ARHGEF40: variants seen among roughly 807,000 people sequenced by gnomAD.
ARHGEF40 encodes Rho guanine nucleotide exchange factor (GEF) 40.
ARHGEF40 carries 98 observed loss-of-function variants against 165.9 expected under a neutral mutation model. The ratio of observed to expected loss-of-function variants is 0.59; its 90% CI spans 0.50 to 0.70. The LOEUF (loss-of-function observed/expected upper bound fraction) is 0.70, where lower values mean the gene tolerates loss of function less well. ARHGEF40 is among the 30% of genes least tolerant of loss of function. ARHGEF40 has a pLI of 0.00. For synonymous variants in ARHGEF40, 792 were observed against 814.3 expected (o/e 0.97, Z 0.47); for missense variants, 1,815 against 1,968.0 (o/e 0.92, Z 1.47).
chr14:21,075,328 G>A lies in ARHGEF40; in HGVS notation c.1451-4G>A, dbSNP rs1566525029. The A allele has an allele frequency of 6.2e-7, 1 of 1,613,888 alleles. No individual in the cohort carries two copies. Among genetic ancestry groups the A allele is most frequent in the Non-Finnish European group, 8.5e-7 (1 of 1,179,992 alleles). ...GTCCCATGTTTCTGTCTGTGTCTGT[G>A]CAGGACACACAGGCCCAGAAGGCCC... On this transcript the variant is annotated splice_region_variant and splice_polypyrimidine_tract_variant and intron_variant, in intron 3 of 23. Transcript: ENST00000298694. This position sits in a 1 kb window ranked among gnomAD's most constrained non-coding sequence, Gnocchi z 4.5.
At position 21,081,951 on chromosome 14, in the gene ARHGEF40, AG is replaced by A; in HGVS notation, c.3086del (p.Gly1029AlafsTer8). On this transcript the variant is annotated frameshift_variant, in exon 14 of 24. Coordinates refer to ENST00000298694, the MANE Select transcript of ARHGEF40 (RefSeq NM_018071.5). LOFTEE classifies it high-confidence loss of function. ...EEGPELAPEA[E>X]GRPPRAVLIR... ...GGCCCTGAGCTGGCTCCAGAAGCAG[AG>A]GGCAGGCCCCCAAGAGCTGTGCTGA... The A allele has an allele frequency of 1.2e-6, 2 of 1,606,238 alleles. No homozygotes were observed. The highest frequency in any genetic ancestry group is 1.7e-6 in the Non-Finnish European group (2 of 1,176,464).
chr14:21,070,937 T>G lies in ARHGEF40; in HGVS notation c.3+538T>G. ...TGTGGCTGGGCCGGGTCCCGGGGCATGGCCAAAGAGGGAAATTCCCGCAGA... is the reference window on the plus strand; with the variant it reads ...TGTGGCTGGGCCGGGTCCCGGGGCAGGGCCAAAGAGGGAAATTCCCGCAGA... On this transcript the variant is annotated intron_variant, in intron 1 of 23. Coordinates refer to ENST00000298694, the MANE Select transcript of ARHGEF40 (RefSeq NM_018071.5). The surrounding 1 kb of genome is among the most constrained non-coding windows in gnomAD (Gnocchi z 4.7). 1 of 1,383,524 alleles carries G rather than the reference T, an allele frequency of 7.2e-7. No homozygotes were observed. The highest frequency in any genetic ancestry group is 9.9e-7 in the Non-Finnish European group (1 of 1,010,882). The allele number at this position is 1,383,524 out of a possible 1,614,324, so 85.7% of individuals were successfully genotyped here.
Position 21,087,438 on chromosome 14 carries a change from T to C in ARHGEF40, c.4362T>C (p.Asp1454=). The part of the protein sequence containing the change: ...LPARVEEEAW[D]LDVKQISLAP... ...CCCGCGTCGAGGAGGAGGCCTGGGA[T>C]CTGGACGTCAAGCAAATTTCCCTGG... Residue 1454 remains aspartate, a synonymous_variant, in exon 21 of 24, where the codon GAT becomes GAC. Coordinates refer to ENST00000298694, the MANE Select transcript of ARHGEF40 (RefSeq NM_018071.5). 1 of 1,600,862 alleles carries C rather than the reference T, an allele frequency of 6.2e-7. No individual in the cohort carries two copies. The highest frequency in any genetic ancestry group is 8.5e-7 in the Non-Finnish European group (1 of 1,179,918).
Position 21,074,434 on chromosome 14 carries a change from T to C in ARHGEF40, c.704T>C (p.Val235Ala). Residue 235 changes from valine (V) to alanine (A), a missense_variant, in exon 3 of 24, where the codon GTG (valine) becomes GCG (alanine). Val to Ala is a moderately conservative substitution (Grantham distance 64). Coordinates refer to ENST00000298694, the MANE Select transcript of ARHGEF40 (RefSeq NM_018071.5). This position sits in a 1 kb window ranked among gnomAD's most constrained non-coding sequence, Gnocchi z 4.8. The part of the protein sequence containing the change: ...RSPGDGHNAP[V>A]EGPEGEYVEL... Reference sequence around the variant, plus strand: ...CCTGGGGATGGGCACAATGCCCCTGTGGAAGGACCTGAGGGCGAGTATGTG... The same window carrying C: ...CCTGGGGATGGGCACAATGCCCCTGCGGAAGGACCTGAGGGCGAGTATGTG... 3 of 1,606,182 alleles carry C rather than the reference T, an allele frequency of 1.9e-6. No individual in the cohort carries two copies. Among genetic ancestry groups the C allele is most frequent in the Middle Eastern group, 1.7e-4 (1 of 6,028 alleles).
intron 22 of ARHGEF40, 76 bp downstream of exon 22, chr14:21,088,174 AC>A (rs1265593199): frequency 1.3e-5 from 19 of 1,503,714 alleles, no homozygotes; most frequent in Non-Finnish European, 1.8e-6. Context: ...TGATCATTCA[AC>A]CCCAGGGGGG....
In ARHGEF40 at chr14:21,082,293, G is replaced by A. The variant is rs151176952; in HGVS notation, c.3301G>A (p.Val1101Met). The change falls in exon 15 of 24, where the codon GTG (valine) becomes ATG (methionine). Residue 1101 changes from valine to methionine, a missense_variant. Physicochemically the swap from Val to Met is conservative, Grantham distance 21 (BLOSUM62 1). Coordinates refer to ENST00000298694, the MANE Select transcript of ARHGEF40 (RefSeq NM_018071.5). ...GCTGATTGCCTGTGAACAAGATTACGTGGCCACCTTGAGTGAGCCAGTGCC... is the reference window on the plus strand; with the variant it reads ...GCTGATTGCCTGTGAACAAGATTACATGGCCACCTTGAGTGAGCCAGTGCC... Reference protein sequence around the residue: ...SELIACEQDYVATLSEPVPPP... With the variant: ...SELIACEQDYMATLSEPVPPP... 8.7e-6 allele frequency: 14 copies of A among 1,612,966 alleles called. No individual in the cohort carries two copies. Among genetic ancestry groups the A allele is most frequent in the East Asian group, 2.2e-5 (1 of 44,872 alleles).
intron 5 of ARHGEF40, 81 bp from the exon 6 acceptor site, chr14:21,076,279 C>T: frequency 8.6e-7 from 1 of 1,166,378 alleles, no homozygotes; most frequent in Admixed American, 2.0e-5. Context: ...TAAAAACAGA[C>T]CCCGTATGTC....
the ARHGEF40 span, among the ~76,000 whole-genome samples, chr14:21,062,822 A>G: frequency 1.3e-5 from 2 of 149,196 alleles, no homozygotes; most frequent in African/African-American, 5.0e-5. Context: ...GCTCACTGCA[A>G]CCTCCACCTC....
chr14:21,076,683 T>TG (rs11483416), intron 7 of ARHGEF40, 40 bp downstream of exon 7: 847,401 of 1,605,980 alleles, frequency 0.53, 225,551 homozygotes, highest in Non-Finnish European at 0.55. Context: ...CCATCAGTAG[T>TG]GGGGAGAGGA....
intron 13 of ARHGEF40, 71 bp from the exon 14 acceptor site, chr14:21,081,438 C>A: frequency 6.4e-7 from 1 of 1,564,980 alleles, no homozygotes; most frequent in Non-Finnish European, 8.7e-7. Flanking sequence ...AGGGCTGTCA[C>A]TGGGCATCCT....
upstream of ARHGEF40, among the ~76,000 whole-genome samples, chr14:21,066,535 C>T (rs1263193132): frequency 6.6e-6 from 1 of 152,130 alleles, no homozygotes; most frequent in Non-Finnish European, 1.5e-5. Context: ...GGGGTTTCCC[C>T]ATGTTGGCCA....
chr14:21,078,808 C>A lies in ARHGEF40; in HGVS notation c.2247-76C>A, dbSNP rs1207886471. On this transcript the variant is annotated intron_variant, in intron 10 of 23. Transcript: ENST00000298694. ...GCTATGCAACCTCTCATGTTTGCAT[C>A]CCTCAGAGGCACGGAAGGACAGAAT... 5 of 1,559,812 alleles carry A rather than the reference C, an allele frequency of 3.2e-6. No individual in the cohort carries two copies. The Admixed American group carries it at 5.3e-5, about 16-fold the overall frequency.
chr14:21,075,628 C>G lies in ARHGEF40; in HGVS notation c.1619-17C>G. 6.2e-7 allele frequency: 1 copy of G among 1,614,030 alleles called. No individual in the cohort carries two copies. The highest frequency in any genetic ancestry group is 8.5e-7 in the Non-Finnish European group (1 of 1,180,006). ...ACTGCTCCCAGCCAGGACAGCCTGG[C>G]CATTTTGTGTCTTCAGGAGGGGTGG... On this transcript the variant is annotated splice_polypyrimidine_tract_variant and intron_variant, in intron 4 of 23. Coordinates refer to ENST00000298694, the MANE Select transcript of ARHGEF40 (RefSeq NM_018071.5). This position sits in a 1 kb window ranked among gnomAD's most constrained non-coding sequence, Gnocchi z 4.5.
Position 21,078,196 on chromosome 14 carries a change from G to T in ARHGEF40, c.2054G>T (p.Arg685Leu). The change falls in exon 9 of 24, where the codon CGC (arginine) becomes CTC (leucine). Residue 685 changes from arginine (R) to leucine (L), a missense_variant. Coordinates refer to ENST00000298694, the MANE Select transcript of ARHGEF40 (RefSeq NM_018071.5). ...EIHQEVVRLC[R>L]LCQGVLGSVR... ...TTTCAGGAAGTGGTAAGGCTATGTCGCCTGTGCCAAGGTGTGCTGGGCTCG... is the reference window on the plus strand; with the variant it reads ...TTTCAGGAAGTGGTAAGGCTATGTCTCCTGTGCCAAGGTGTGCTGGGCTCG... 1 of 1,613,716 alleles carries T rather than the reference G, an allele frequency of 6.2e-7. No homozygotes were observed. Among genetic ancestry groups the T allele is most frequent in the Non-Finnish European group, 8.5e-7 (1 of 1,179,860 alleles).
chr14:21,075,570 G>T lies in ARHGEF40; in HGVS notation c.1618+71G>T. 1 of 1,613,846 alleles carries T rather than the reference G, an allele frequency of 6.2e-7. No individual in the cohort carries two copies. On this transcript the variant is annotated intron_variant, in intron 4 of 23. Coordinates refer to ENST00000298694, the MANE Select transcript of ARHGEF40 (RefSeq NM_018071.5). This position sits in a 1 kb window ranked among gnomAD's most constrained non-coding sequence, Gnocchi z 4.5. ...AAGCAATTGGGTGGGCTTGGGGACT[G>T]GGGGAGGCAGGGTGGAAAGGAGGTA...
Position 21,081,877 on chromosome 14 carries a change from C to A in ARHGEF40, c.3009C>A (p.Ala1003=). The A allele has an allele frequency of 3.7e-6, 6 of 1,613,166 alleles. No homozygotes were observed. The highest frequency in any genetic ancestry group is 5.1e-6 in the Non-Finnish European group (6 of 1,179,892). The change falls in exon 14 of 24, where the codon GCC becomes GCA. Residue 1003 remains alanine, a synonymous_variant. Coordinates refer to ENST00000298694, the MANE Select transcript of ARHGEF40 (RefSeq NM_018071.5). The part of the protein sequence containing the change: ...LLPSSPGPRP[A]PSHCSLAPCG... ...CCAGCAGCCCTGGGCCACGGCCAGC[C>A]CCATCCCATTGCTCCCTGGCCCCAT...
At chr14:21,067,427 A>T (rs1020367485), upstream of ARHGEF40, among the ~76,000 whole-genome samples, 1 of 152,134 alleles carries the variant, frequency 6.6e-6, no homozygotes, top group Non-Finnish European at 1.5e-5. Context: ...TCTTTTATGA[A>T]CTTTGACAGC....
intron 7 of ARHGEF40, 39 bp downstream of exon 7, chr14:21,076,682 G>A: frequency 2.0e-6 from 3 of 1,508,908 alleles, no homozygotes; most frequent in Non-Finnish European, 2.7e-6. Flanking sequence ...CCCATCAGTA[G>A]TGGGGAGAGG....
In ARHGEF40 at chr14:21,070,487, A is replaced by C; in HGVS notation, c.3+88A>C. The C allele has an allele frequency of 7.5e-7, 1 of 1,340,712 alleles. No individual in the cohort carries two copies. The allele number at this position is 1,340,712 out of a possible 1,614,324, so 83.1% of individuals were successfully genotyped here. A position where few individuals can be genotyped will look rare whatever the true frequency, so the allele number is the denominator to read the frequency against. ...CAAGTCCTCAGCCTGGTGCCTCCCG[A>C]GCCTGCCTCGGACTGTTCGGCCCCT... is the stretch of plus-strand genomic sequence containing the variant. On this transcript the variant is annotated intron_variant, in intron 1 of 23. Coordinates refer to ENST00000298694, the MANE Select transcript of ARHGEF40 (RefSeq NM_018071.5). This position sits in a 1 kb window ranked among gnomAD's most constrained non-coding sequence, Gnocchi z 4.7.
Sources: allele counts gnomAD v4.1 joint callset (sites outside exome capture counted in the v4.1 genomes callset), GRCh38; gene constraint gnomAD v4.1.1; non-coding constraint Gnocchi (gnomAD v3.1); transcripts MANE v1.5; gene names NCBI Gene and HGNC (gene_info 2026-07-23, HGNC 2026-07-21).